The following RSRC1 variants were observed in gnomAD, a reference collection of about 807,000 sequenced individuals.
RSRC1 encodes the protein arginine and serine rich coiled-coil 1.
Under a neutral mutation model 49.1 loss-of-function variants are expected in RSRC1, and 39 were observed. The ratio of observed to expected loss-of-function variants is 0.79; its 90% CI spans 0.61 to 1.04. RSRC1 has a LOEUF of 1.04. Among genes scored for constraint, RSRC1 ranks in the 50% least tolerant of loss-of-function variants. The probability of loss-of-function intolerance (pLI) is 0.00; values close to 1 mark genes in which losing one functional copy is unlikely to be tolerated. For missense variants in RSRC1, 388 were observed against 402.4 expected (o/e 0.96, Z 0.31); for synonymous variants, 143 against 130.8 (o/e 1.09, Z -0.63).
intron 6 of RSRC1, among the ~76,000 whole-genome samples, chr3:158,386,418 TC>T (rs948467740): frequency 1.1e-4 from 17 of 152,020 alleles, no homozygotes; most frequent in African/African-American, 4.1e-4. Context: ...ACAAAGTAAA[TC>T]CCTCTTTGCC....
At chr3:158,208,828 C>T (rs1160918663) in intron 4 of RSRC1, among the ~76,000 whole-genome samples, 1 of 152,168 alleles carries the variant, frequency 6.6e-6, no homozygotes, top group Non-Finnish European at 1.5e-5. Context: ...GTCATGGCAT[C>T]TCATAATTGC....
At chr3:158,316,530 C>T (rs1304646091) in intron 5 of RSRC1, among the ~76,000 whole-genome samples, 3 of 149,994 alleles carry the variant, frequency 2.0e-5, no homozygotes, top group East Asian at 4.0e-4. Flanking sequence ...CTGCAGGCTC[C>T]GCCCCCGGGG....
chr3:158,420,823 T>C (rs776877935), intron 6 of RSRC1, among the ~76,000 whole-genome samples: 2 of 151,952 alleles, frequency 1.3e-5, no homozygotes, highest in Non-Finnish European at 2.9e-5. Context: ...TTGAGCACTT[T>C]CTATATGCAG....
At chr3:158,320,749 T>C (rs1042027871) in intron 5 of RSRC1, among the ~76,000 whole-genome samples, 1 of 152,196 alleles carries the variant, frequency 6.6e-6, no homozygotes, top group African/African-American at 2.4e-5. Flanking sequence ...TCTTGCTGTT[T>C]TCTGCCTTCA....
rs1259588598 is a variant in RSRC1, at chr3:158,122,289, A to G, written c.185A>G (p.Tyr62Cys). 2.6e-6 allele frequency: 4 copies of G among 1,566,920 alleles called. No individual in the cohort carries two copies. The highest frequency in any genetic ancestry group is 1.4e-5 in the African/African-American group (1 of 71,988). ...GATCTTCAGCCTCGTTCACATTCTTATGATAGAAGGTGATTTTTGTAATTT... is the reference window on the plus strand; with the variant it reads ...GATCTTCAGCCTCGTTCACATTCTTGTGATAGAAGGTGATTTTTGTAATTT... ...SRDLQPRSHS[Y>C]DRRRRHRSSS... is the part of the protein sequence containing the mutation. The change falls in exon 2 of 10, where the codon TAT becomes TGT. Residue 62 changes from tyrosine (Y) to cysteine (C), a missense_variant. Transcript: ENST00000611884.
intron 5 of RSRC1, among the ~76,000 whole-genome samples, chr3:158,306,142 T>A (rs990468946): frequency 6.6e-6 from 1 of 151,978 alleles, no homozygotes; most frequent in Admixed American, 6.6e-5. Flanking sequence ...ACGTGTTCAT[T>A]GTAATATGTC....
intron 5 of RSRC1, among the ~76,000 whole-genome samples, chr3:158,321,939 T>G (rs1318167433): frequency 6.6e-6 from 1 of 151,500 alleles, no homozygotes; most frequent in Admixed American, 6.6e-5. Context: ...AACATATGTC[T>G]TTTAAAGAAA....
chr3:158,117,976 G>A (rs886954314), intron 1 of RSRC1, among the ~76,000 whole-genome samples: 2 of 150,758 alleles, frequency 1.3e-5, no homozygotes, highest in African/African-American at 2.5e-5. Context: ...TTGAGGCTGG[G>A]TCTCGCTCTG....
chr3:158,304,105 G>A (rs1415980510), intron 5 of RSRC1, among the ~76,000 whole-genome samples: 1 of 152,086 alleles, frequency 6.6e-6, no homozygotes, highest in East Asian at 1.9e-4. Context: ...TGAGAGTGAT[G>A]TCCTACTTGT....
At chr3:158,504,163 T>G (rs957193230) in intron 7 of RSRC1, among the ~76,000 whole-genome samples, 10 of 152,196 alleles carry the variant, frequency 6.6e-5, no homozygotes, top group Admixed American at 3.3e-4. Flanking sequence ...TGGGGGTGTG[T>G]GTTCGGGAGA....
chr3:158,543,914 T>C (rs1403528913), intron 9 of RSRC1, among the ~76,000 whole-genome samples: 2 of 152,216 alleles, frequency 1.3e-5, no homozygotes, highest in Admixed American at 1.3e-4. Context: ...TCTGCTGTTT[T>C]GGAAAAGTTA....
intron 6 of RSRC1, among the ~76,000 whole-genome samples, chr3:158,437,396 A>G (rs1736109406): frequency 6.6e-6 from 1 of 151,946 alleles, no homozygotes; most frequent in African/African-American, 2.4e-5. Context: ...AGAAACAAAT[A>G]TGTTAAATAA....
intron 3 of RSRC1, among the ~76,000 whole-genome samples, chr3:158,133,440 C>T (rs369689407): frequency 6.6e-5 from 10 of 152,202 alleles, no homozygotes; most frequent in African/African-American, 9.6e-5. Context: ...CAAGACAGTA[C>T]GATGCAAATA....
At position 158,187,454 on chromosome 3, in the gene RSRC1, A is replaced by G. The variant is rs140079814; in HGVS notation, c.321-15618A>G. Among the ~76,000 whole-genome samples, 391 of 152,164 alleles carry G rather than the reference A, an allele frequency of 2.6e-3. 3 individuals are homozygous for G. The highest frequency in any genetic ancestry group is 8.8e-3 in the African/African-American group (365 of 41,568). On this transcript the variant is annotated intron_variant, in intron 3 of 9. Transcript: ENST00000611884. ...ACTAGCTTTGCATTCTCATAGCTCA[A>G]TAGTAAAACTTGATATGAGTTATAG...
chr3:158,213,964 G>A (rs1721821404), intron 4 of RSRC1, among the ~76,000 whole-genome samples: 2 of 151,756 alleles, frequency 1.3e-5, no homozygotes, highest in Non-Finnish European at 2.9e-5. Flanking sequence ...CATACCCGCA[G>A]GTTCCACATC....
intron 3 of RSRC1, among the ~76,000 whole-genome samples, chr3:158,178,402 G>A (rs932181851): frequency 2.0e-5 from 3 of 152,136 alleles, no homozygotes; most frequent in Non-Finnish European, 4.4e-5. Context: ...GCCTCCCAGA[G>A]TGCTGGGATT....
intron 5 of RSRC1, among the ~76,000 whole-genome samples, chr3:158,327,200 A>AT (rs1439779964): frequency 4.4e-4 from 66 of 151,564 alleles, no homozygotes; most frequent in East Asian, 1.9e-4. Context: ...GGATTCATTG[A>AT]TTTTTTGAAG....
rs528680701 is a variant in RSRC1 at position 158,390,340 on chromosome 3, C to T, written c.583+35432C>T. On this transcript the variant is annotated intron_variant, in intron 6 of 9. Coordinates refer to ENST00000611884, the MANE Select transcript of RSRC1 (RefSeq NM_001271838.2). Reference sequence around the variant, plus strand: ...TGCAACTATAGTTAGTGGTCTTAGACCTGGCCAGGGCCCAATCTGAATGGA... The same window carrying T: ...TGCAACTATAGTTAGTGGTCTTAGATCTGGCCAGGGCCCAATCTGAATGGA... 3.9e-5 allele frequency among the ~76,000 whole-genome samples: 6 copies of T among 152,256 alleles called. No homozygotes were observed. In the East Asian group the frequency reaches 1.2e-3, roughly 29 times the overall value.
chr3:158,537,396 C>T (rs1560079601), intron 8 of RSRC1, among the ~76,000 whole-genome samples, 198 bp downstream of exon 8: 1 of 151,508 alleles, frequency 6.6e-6, no homozygotes. Context: ...ATAAAAAATG[C>T]TATAAAATGT....
Sources: gnomAD v4.1 joint callset for allele counts (sites outside exome capture counted in the v4.1 genomes callset) on GRCh38, gnomAD v4.1.1 for gene constraint, MANE v1.5 for transcripts, NCBI Gene and HGNC (gene_info 2026-07-23, HGNC 2026-07-21) for gene names.